The following WWC1 variants were observed in gnomAD, a reference collection of about 807,000 sequenced individuals.
WWC1 encodes the protein WW and C2 domain containing 1, also known as protein KIBRA.
A neutral mutation model predicts 138.4 loss-of-function variants in WWC1; 55 were observed. The observed-to-expected ratio is 0.40, with a 90% CI of 0.32 to 0.50. The LOEUF is 0.50. WWC1 is among the 20% of genes least tolerant of loss of function. WWC1 has a pLI of 0.72. For missense variants in WWC1, 1,226 were observed against 1,420.4 expected (o/e 0.86, Z 2.20); for synonymous variants, 524 against 564.9 (o/e 0.93, Z 1.03).
rs759083399 is a variant in WWC1, at chr5:168,406,334, A to G, written c.720+7A>G. ...AAAGCAAGATCTCATTAAGGTATGC[A>G]AGTTCCTGTTGATGTGGGTGCCATC... is the stretch of plus-strand genomic sequence containing the variant. On this transcript the variant is annotated splice_region_variant and intron_variant, in intron 6 of 22. Coordinates refer to ENST00000265293, the MANE Select transcript of WWC1 (RefSeq NM_015238.3). The G allele has an allele frequency of 7.4e-6, 12 of 1,613,306 alleles. 1 individual carries two copies. The highest frequency in any genetic ancestry group is 3.3e-5 in the Admixed American group (2 of 59,984).
Position 168,422,979 on chromosome 5 carries a change from C to A in WWC1, c.1275-554C>A, listed in dbSNP as rs549051684. ...TGGGCAACACGGTGAAACCCCCTCT[C>A]TACTAAAATACAAAAAATTAACCGG... is the stretch of plus-strand genomic sequence containing the variant. On this transcript the variant is annotated intron_variant, in intron 10 of 22. Coordinates refer to ENST00000265293, the MANE Select transcript of WWC1 (RefSeq NM_015238.3). 1.1e-3 allele frequency among the ~76,000 whole-genome samples: 167 copies of A among 151,956 alleles called. 1 individual carries two copies. The highest frequency in any genetic ancestry group is 2.0e-3 in the Non-Finnish European group (134 of 67,940).
At chr5:168,445,121 C>T (rs1032388324) in intron 17 of WWC1, among the ~76,000 whole-genome samples, 4 of 151,658 alleles carry the variant, frequency 2.6e-5, no homozygotes. Context: ...CGAGACCAGC[C>T]TGACCAACAT....
chr5:168,324,658 C>G (rs1249556785), intron 1 of WWC1, among the ~76,000 whole-genome samples: 1 of 151,272 alleles, frequency 6.6e-6, no homozygotes, highest in African/African-American at 2.4e-5. Flanking sequence ...GACAAATAGA[C>G]AACAAATGGC....
At chr5:168,334,373 C>T (rs566226048) in intron 1 of WWC1, among the ~76,000 whole-genome samples, 1 of 152,148 alleles carries the variant, frequency 6.6e-6, no homozygotes, top group East Asian at 1.9e-4. Flanking sequence ...CAACAGGTCT[C>T]GAGAGACATT....
At chr5:168,461,263 C>CAGAG (rs58541778) in intron 20 of WWC1, among the ~76,000 whole-genome samples, 9,447 of 152,204 alleles carry the variant, frequency 0.062, 347 homozygotes, top group East Asian at 0.15. Flanking sequence ...ACGCAGGAGG[C>CAGAG]AGAGGTTGCA....
chr5:168,461,519 G>A (rs983203290), intron 20 of WWC1, among the ~76,000 whole-genome samples: 4 of 152,136 alleles, frequency 2.6e-5, no homozygotes, highest in Non-Finnish European at 5.9e-5. Context: ...TCAGACCAGC[G>A]GGAAGCCCAC....
chr5:168,364,678 TGA>T (rs1284355165), intron 1 of WWC1, among the ~76,000 whole-genome samples: 2 of 152,176 alleles, frequency 1.3e-5, no homozygotes, highest in Admixed American at 6.5e-5. Flanking sequence ...GGTGGAAGGA[TGA>T]GAGTGGAGGG....
intron 5 of WWC1, 39 bp from the exon 6 acceptor site, chr5:168,406,159 C>CCTAT: frequency 6.2e-7 from 1 of 1,609,288 alleles, no homozygotes; most frequent in Non-Finnish European, 8.5e-7. Flanking sequence ...TGTCCCTCAC[C>CCTAT]CTATCTAAGG....
chr5:168,321,882 T>A (rs1307590294), intron 1 of WWC1, among the ~76,000 whole-genome samples: 1 of 152,216 alleles, frequency 6.6e-6, no homozygotes, highest in Non-Finnish European at 1.5e-5. Context: ...TGTAATTAGT[T>A]AATACCTCGT....
chr5:168,302,612 A>G (rs1581859594), intron 1 of WWC1, among the ~76,000 whole-genome samples: 3 of 152,194 alleles, frequency 2.0e-5, no homozygotes, highest in South Asian at 2.1e-4. Context: ...TGGGAGTGCA[A>G]TGGTGATACA....
At chr5:168,439,624 C>CT (rs1215734677) in intron 15 of WWC1, among the ~76,000 whole-genome samples, 4 of 144,082 alleles carry the variant, frequency 2.8e-5, no homozygotes, top group African/African-American at 1.1e-4. Flanking sequence ...GAGCAAAACT[C>CT]TGTCTCAAAA....
chr5:168,393,134 A>G (rs190949745), intron 3 of WWC1, among the ~76,000 whole-genome samples: 10 of 152,342 alleles, frequency 6.6e-5, no homozygotes, highest in Non-Finnish European at 2.9e-5. Flanking sequence ...ATAGACTACA[A>G]GGACAGGAAA....
At chr5:168,341,282 G>A (rs1272675120) in intron 1 of WWC1, among the ~76,000 whole-genome samples, 1 of 152,152 alleles carries the variant, frequency 6.6e-6, no homozygotes, top group Admixed American at 6.5e-5. Flanking sequence ...AGATCTGTAG[G>A]ACATGTAAGT....
chr5:168,413,675 A>G (rs1350497138), intron 8 of WWC1, among the ~76,000 whole-genome samples: 1 of 152,168 alleles, frequency 6.6e-6, no homozygotes, highest in Non-Finnish European at 1.5e-5. Context: ...CAGGCCTCTG[A>G]CCCCAAATCC....
At chr5:168,423,161 A>ACAAAAAAC (rs1554108970) in intron 10 of WWC1, among the ~76,000 whole-genome samples, 2 of 140,108 alleles carry the variant, frequency 1.4e-5, no homozygotes, top group African/African-American at 5.3e-5. Context: ...AAAAAAAAAA[A>ACAAAAAAC]AAAAAAAAAA....
Position 168,465,340 on chromosome 5 carries a change from C to T in WWC1, c.3150+378C>T, listed in dbSNP as rs910813160. Among the ~76,000 whole-genome samples the T allele has an allele frequency of 3.9e-5, 6 of 152,252 alleles. 1 individual carries two copies. Among genetic ancestry groups the T allele is most frequent in the Non-Finnish European group, 4.4e-5 (3 of 68,010 alleles). ...ATAGGACACTGACCTGCCTCGATGC[C>T]TGCCCAGGAAGTCCCACAGGGCAGC... On this transcript the variant is annotated intron_variant, in intron 21 of 22. Coordinates refer to ENST00000265293, the MANE Select transcript of WWC1 (RefSeq NM_015238.3).
At chr5:168,385,922 C>A (rs1216498302) in intron 3 of WWC1, among the ~76,000 whole-genome samples, 1 of 152,160 alleles carries the variant, frequency 6.6e-6, no homozygotes, top group Non-Finnish European at 1.5e-5. Context: ...GCCTATACAG[C>A]CCTCCGTGGT....
At chr5:168,379,309 T>C (rs1319485324) in intron 2 of WWC1, among the ~76,000 whole-genome samples, 1 of 152,176 alleles carries the variant, frequency 6.6e-6, no homozygotes, top group Non-Finnish European at 1.5e-5. Flanking sequence ...TAAGATGGAC[T>C]TGAGGAAGGG....
rs536611281 is a variant in WWC1, at chr5:168,351,910, C to G, written c.120-19514C>G. The stretch of plus-strand genomic sequence containing the variant: ...TAGGGACTGGCTGCTTCTCTGCACC[C>G]TCTCCACCCAAGACACACTTGTTTG... On this transcript the variant is annotated intron_variant, in intron 1 of 22. Coordinates refer to ENST00000265293, the MANE Select transcript of WWC1 (RefSeq NM_015238.3). 9.8e-5 allele frequency among the ~76,000 whole-genome samples: 15 copies of G among 152,304 alleles called. No individual in the cohort carries two copies. The South Asian group carries it at 2.9e-3, about 29-fold the overall frequency.
Sources: allele counts gnomAD v4.1 joint callset (sites outside exome capture counted in the v4.1 genomes callset), GRCh38; gene constraint gnomAD v4.1.1; transcripts MANE v1.5; gene names NCBI Gene and HGNC (gene_info 2026-07-23, HGNC 2026-07-21).